ESF1: variants seen among roughly 807,000 people sequenced by gnomAD.
The protein encoded by ESF1 is ESF1 homolog.
A neutral mutation model predicts 92.0 loss-of-function variants in ESF1; 58 were observed. That is an observed-to-expected ratio of 0.63 (90% CI 0.51 to 0.78). The LOEUF is 0.78. Ranked by LOEUF, ESF1 falls within the 30% of genes least tolerant of loss-of-function variation. The pLI is 0.00. For missense variants in ESF1, 922 were observed against 989.1 expected (o/e 0.93, Z 0.91); for synonymous variants, 321 against 313.7 (o/e 1.02, Z -0.24).
chr20:13,732,137 T>A (rs1259540016), intron 10 of ESF1, among the ~76,000 whole-genome samples: 1 of 152,212 alleles, frequency 6.6e-6, no homozygotes. Context: ...GACTTCAGAC[T>A]GGTGTCTGAA....
intron 2 of ESF1, among the ~76,000 whole-genome samples, chr20:13,782,042 AT>A (rs988664387): frequency 2.0e-5 from 3 of 151,010 alleles, no homozygotes; most frequent in Admixed American, 6.6e-5. Flanking sequence ...ATGCCTGGCT[AT>A]TTTTTTTTAT....
At chr20:13,781,987 C>T (rs1980212055) in intron 2 of ESF1, among the ~76,000 whole-genome samples, 1 of 152,180 alleles carries the variant, frequency 6.6e-6, no homozygotes, top group Non-Finnish European at 1.5e-5. Context: ...AGCAATTCTC[C>T]TGCCTCAGCC....
At chr20:13,748,588 ATATAT>A (rs1413834595) in intron 9 of ESF1, among the ~76,000 whole-genome samples, 5,881 of 61,456 alleles carry the variant, frequency 0.096, 343 homozygotes, top group African/African-American at 0.21. Context: ...ATATATATAT[ATATAT>A]TTTTTTTTTT....
rs745790445 is a variant in ESF1, at chr20:13,772,539, G to A, written c.1226C>T (p.Pro409Leu). 3 of 1,612,294 alleles carry A rather than the reference G, an allele frequency of 1.9e-6. No individual in the cohort carries two copies. Among genetic ancestry groups the A allele is most frequent in the Non-Finnish European group, 2.5e-6 (3 of 1,178,958 alleles). ...CCAGTCTTTTTCTGGGGCATCTTCAGGAATACTTAATAGCTCTACTGGTCC... is the reference window on the plus strand; with the variant it reads ...CCAGTCTTTTTCTGGGGCATCTTCAAGAATACTTAATAGCTCTACTGGTCC... ...VQGPVELLSI[P>L]EDAPEKDWTS... Residue 409 changes from proline to leucine, a missense_variant, in exon 5 of 14, where the codon CCT becomes CTT. Pro to Leu is a moderately conservative substitution (Grantham distance 98). Transcript: ENST00000617257.
intron 9 of ESF1, among the ~76,000 whole-genome samples, chr20:13,754,027 T>C (rs1463033842): frequency 6.6e-6 from 1 of 152,200 alleles, no homozygotes; most frequent in Non-Finnish European, 1.5e-5. Context: ...CATTTTGAAG[T>C]GCTTTTTTTT....
intron 9 of ESF1, among the ~76,000 whole-genome samples, chr20:13,748,546 G>A (rs1317929249): frequency 0.039 from 2,015 of 51,150 alleles, 75 homozygotes; most frequent in African/African-American, 0.14. Context: ...ATATATGTGT[G>A]TGTATATATA....
chr20:13,739,669 G>A (rs2049998237), intron 9 of ESF1, among the ~76,000 whole-genome samples: 1 of 144,398 alleles, frequency 6.9e-6, no homozygotes, highest in Non-Finnish European at 1.5e-5. Context: ...AAAACTTTTA[G>A]ATGTAAGAAA....
intron 2 of ESF1, among the ~76,000 whole-genome samples, chr20:13,777,583 A>C (rs1980002556): frequency 6.6e-6 from 1 of 152,190 alleles, no homozygotes; most frequent in South Asian, 2.1e-4. Context: ...AAAGACAGAG[A>C]AATAATATTT....
At chr20:13,759,663 A>T in intron 9 of ESF1, 29 bp downstream of exon 9, 1 of 1,564,872 alleles carries the variant, frequency 6.4e-7, no homozygotes, top group Non-Finnish European at 8.6e-7. Flanking sequence ...AATTCGAAAA[A>T]GAGAAAACAT....
chr20:13,767,302 G>A (rs1424238678), intron 7 of ESF1, among the ~76,000 whole-genome samples: 3 of 152,140 alleles, frequency 2.0e-5, no homozygotes, highest in Non-Finnish European at 4.4e-5. Context: ...CAAGGCGGGT[G>A]GATCACCTGA....
intron 2 of ESF1, 140 bp downstream of exon 2, chr20:13,782,364 T>C (rs1980229019): frequency 1.5e-6 from 1 of 688,770 alleles, no homozygotes; most frequent in Non-Finnish European, 2.2e-6. Flanking sequence ...ATATTTCTTT[T>C]ATAGCTTTGT....
At chr20:13,758,027 G>T (rs566794167) in intron 9 of ESF1, among the ~76,000 whole-genome samples, 1 of 151,588 alleles carries the variant, frequency 6.6e-6, no homozygotes, top group Non-Finnish European at 1.5e-5. Context: ...AGACATCTCT[G>T]AGTAGCATAA....
chr20:13,781,100 T>C (rs1980165536), intron 2 of ESF1, among the ~76,000 whole-genome samples: 1 of 152,342 alleles, frequency 6.6e-6, no homozygotes, highest in East Asian at 1.9e-4. Context: ...TTCCTCCAGA[T>C]TTCCATGGCT....
intron 9 of ESF1, among the ~76,000 whole-genome samples, chr20:13,755,497 T>G (rs1003573127): frequency 6.6e-6 from 1 of 152,148 alleles, no homozygotes; most frequent in African/African-American, 2.4e-5. Context: ...CGAGGTACAT[T>G]TCTTGATGAA....
chr20:13,758,764 C>G (rs1478578762), intron 9 of ESF1, among the ~76,000 whole-genome samples: 3 of 152,066 alleles, frequency 2.0e-5, no homozygotes, highest in African/African-American at 7.2e-5. Context: ...ATAATATAAA[C>G]AGCAGTAATC....
At chr20:13,783,311 A>T in intron 1 of ESF1, 128 bp from the exon 2 acceptor site, 1 of 770,098 alleles carries the variant, frequency 1.3e-6, no homozygotes, top group Non-Finnish European at 2.0e-6. Context: ...TAGAGGTAAC[A>T]AGTCTAATTT....
intron 9 of ESF1, among the ~76,000 whole-genome samples, chr20:13,742,427 C>T (rs1426724256): frequency 2.0e-5 from 3 of 151,760 alleles, no homozygotes; most frequent in Non-Finnish European, 4.4e-5. Context: ...GCTGAGATCA[C>T]GCCATTGCAC....
At chr20:13,715,218 TAAAGCAA>T (rs1395987545) in intron 13 of ESF1, 51 bp from the exon 14 acceptor site, 1 of 1,422,578 alleles carries the variant, frequency 7.0e-7, no homozygotes, top group Non-Finnish European at 9.2e-7. Flanking sequence ...ACAAAATTAC[TAAAGCAA>T]AAGGCCAGAA....
Position 13,776,233 on chromosome 20 carries a change from A to G in ESF1, c.675T>C (p.Tyr225=). 2 of 1,613,536 alleles carry G rather than the reference A, an allele frequency of 1.2e-6. No individual in the cohort carries two copies. The highest frequency in any genetic ancestry group is 1.7e-6 in the Non-Finnish European group (2 of 1,179,834). ...ACATTTCACCATCTGTTGAGTTTTCATAACCATCACTGTCTCTTGTCATTA... is the reference window on the plus strand; with the variant it reads ...ACATTTCACCATCTGTTGAGTTTTCGTAACCATCACTGTCTCTTGTCATTA... ...QLIMTRDSDG[Y]ENSTDGEMCD... is the part of the protein sequence containing the mutation. The change falls in exon 3 of 14, where the codon TAT becomes TAC. Residue 225 remains tyrosine, a synonymous_variant. Transcript: ENST00000617257.
Sources: gnomAD v4.1 joint callset for allele counts (sites outside exome capture counted in the v4.1 genomes callset) on GRCh38, gnomAD v4.1.1 for gene constraint, MANE v1.5 for transcripts, NCBI Gene and HGNC (gene_info 2026-07-23, HGNC 2026-07-21) for gene names.